Variants in GRID2 observed in about 807,000 individuals in gnomAD.
GRID2 encodes glutamate ionotropic receptor delta type subunit 2.
In GRID2, 33 loss-of-function variants were observed where a neutral mutation model predicts 114.8. The observed-to-expected ratio is 0.29, with a 90% CI of 0.22 to 0.38. The LOEUF (loss-of-function observed/expected upper bound fraction) is 0.38. Among genes scored for constraint, GRID2 ranks in the 10% least tolerant of loss-of-function variants. GRID2 has a pLI of 1.00. For missense variants in GRID2, 1,184 were observed against 1,257.7 expected (o/e 0.94, Z 0.89); for synonymous variants, 505 against 449.9 (o/e 1.12, Z -1.55).
At chr4:92,512,604 G>C (rs1724309460) in intron 1 of GRID2, among the ~76,000 whole-genome samples, 1 of 151,764 alleles carries the variant, frequency 6.6e-6, no homozygotes, top group African/African-American at 2.4e-5. Context: ...TGGGGTCCTA[G>C]GTAGGTAGAG....
At chr4:92,416,190 A>G (rs2110313613) in intron 1 of GRID2, among the ~76,000 whole-genome samples, 1 of 152,022 alleles carries the variant, frequency 6.6e-6, no homozygotes, top group African/African-American at 2.4e-5. Context: ...TTTGTTGGCT[A>G]TTTGTATATC....
At chr4:93,634,099 T>TGA (rs1382564282) in intron 14 of GRID2, among the ~76,000 whole-genome samples, 2 of 152,142 alleles carry the variant, frequency 1.3e-5, no homozygotes, top group Non-Finnish European at 2.9e-5. Context: ...GTGACATTAT[T>TGA]GAGACACATT....
chr4:92,366,865 A>G (rs1014825213), intron 1 of GRID2, among the ~76,000 whole-genome samples: 1 of 152,088 alleles, frequency 6.6e-6, no homozygotes, highest in African/African-American at 2.4e-5. Context: ...ACAGCAAAAG[A>G]AACAATAAAA....
chr4:92,701,766 T>G (rs1734686339), intron 2 of GRID2, among the ~76,000 whole-genome samples: 1 of 152,134 alleles, frequency 6.6e-6, no homozygotes, highest in Non-Finnish European at 1.5e-5. Context: ...TGGCATATGA[T>G]TTCTGACAAT....
chr4:92,563,720 A>G (rs761869525), intron 1 of GRID2, among the ~76,000 whole-genome samples: 1 of 152,100 alleles, frequency 6.6e-6, no homozygotes, highest in Non-Finnish European at 1.5e-5. Context: ...TCTGAGATTT[A>G]TGTAAAGTTA....
At chr4:93,660,313 A>T (rs913559594) in intron 14 of GRID2, among the ~76,000 whole-genome samples, 10 of 152,192 alleles carry the variant, frequency 6.6e-5, no homozygotes, top group African/African-American at 2.4e-4. Context: ...TATTATTTTG[A>T]TATGCCAGCA....
At chr4:93,454,146 A>G (rs2149409477) in intron 10 of GRID2, among the ~76,000 whole-genome samples, 1 of 152,170 alleles carries the variant, frequency 6.6e-6, no homozygotes, top group African/African-American at 2.4e-5. Context: ...GTTTAATACC[A>G]TTCAGTTAAT....
intron 8 of GRID2, among the ~76,000 whole-genome samples, chr4:93,266,707 G>T (rs567067040): frequency 2.6e-5 from 4 of 152,094 alleles, no homozygotes; most frequent in African/African-American, 9.7e-5. Flanking sequence ...TTATCAACTG[G>T]AATCCTTTTC....
intron 2 of GRID2, among the ~76,000 whole-genome samples, chr4:92,872,923 C>T (rs1745379482): frequency 6.6e-6 from 1 of 152,164 alleles, no homozygotes; most frequent in Non-Finnish European, 1.5e-5. Context: ...ACTCAAGAAA[C>T]AAAAGATAAA....
chr4:92,872,549 A>G (rs926564878), intron 2 of GRID2, among the ~76,000 whole-genome samples: 1 of 152,166 alleles, frequency 6.6e-6, no homozygotes, highest in Non-Finnish European at 1.5e-5. Flanking sequence ...AAATAAGAAA[A>G]TCATTATTTT....
At chr4:92,724,866 A>G (rs760469394) in intron 2 of GRID2, among the ~76,000 whole-genome samples, 6 of 152,318 alleles carry the variant, frequency 3.9e-5, no homozygotes, top group African/African-American at 1.4e-4. Flanking sequence ...AAATTTTAAA[A>G]TAAGTTATAG....
chr4:92,947,730 A>G (rs530838088), intron 2 of GRID2, among the ~76,000 whole-genome samples: 1 of 151,740 alleles, frequency 6.6e-6, no homozygotes, highest in East Asian at 1.9e-4. Flanking sequence ...GTGTGTTTGT[A>G]ATGATGTAGT....
intron 4 of GRID2, among the ~76,000 whole-genome samples, chr4:93,128,293 G>T (rs1717079544): frequency 1.3e-5 from 2 of 152,018 alleles, no homozygotes; most frequent in South Asian, 4.1e-4. Context: ...TAAGCATAGA[G>T]AAGAACAGAA....
chr4:92,540,497 C>G (rs935622559), intron 1 of GRID2, among the ~76,000 whole-genome samples: 2 of 152,180 alleles, frequency 1.3e-5, no homozygotes, highest in African/African-American at 2.4e-5. Context: ...TGAACAGACA[C>G]TTCTCAAAAG....
intron 14 of GRID2, among the ~76,000 whole-genome samples, chr4:93,662,437 A>G (rs971668297): frequency 1.5e-4 from 23 of 152,252 alleles, no homozygotes; most frequent in Non-Finnish European, 4.4e-5. Flanking sequence ...TACCTAAAAC[A>G]GTGCCTAAAA....
chr4:93,774,610 C>G (rs556968096), downstream of GRID2: 3 of 152,254 alleles, frequency 2.0e-5, no homozygotes, highest in South Asian at 6.2e-4. Context: ...TGTTTACTCT[C>G]TCACAGATTG....
intron 1 of GRID2, among the ~76,000 whole-genome samples, chr4:92,571,926 A>C (rs1398909707): frequency 1.3e-5 from 2 of 152,140 alleles, no homozygotes; most frequent in Non-Finnish European, 2.9e-5. Flanking sequence ...CTACAAGAGA[A>C]AGTAGAAAAG....
intron 1 of GRID2, among the ~76,000 whole-genome samples, chr4:93,802,197 T>C (rs1734945123): frequency 6.6e-6 from 1 of 152,134 alleles, no homozygotes; most frequent in Non-Finnish European, 1.5e-5. Context: ...GGCTTGAACA[T>C]ACAAAGAGAG....
intron 12 of GRID2, among the ~76,000 whole-genome samples, chr4:93,492,498 C>A (rs1727115568): frequency 6.6e-6 from 1 of 151,690 alleles, no homozygotes; most frequent in Admixed American, 6.6e-5. Flanking sequence ...TTAGAGAACA[C>A]AAGAAGAAAC....
Sources: gnomAD v4.1 joint callset for allele counts (sites outside exome capture counted in the v4.1 genomes callset) on GRCh38, gnomAD v4.1.1 for gene constraint, MANE v1.5 for transcripts, NCBI Gene and HGNC (gene_info 2026-07-23, HGNC 2026-07-21) for gene names.